Variants in SLC26A7 observed in about 807,000 individuals in gnomAD.
SLC26A7 encodes the protein solute carrier family 26 member 7, also known as anion exchange transporter.
A neutral mutation model predicts 82.5 loss-of-function variants in SLC26A7; 59 were observed. The observed-to-expected ratio is 0.72, with a 90% CI of 0.58 to 0.89. The LOEUF (loss-of-function observed/expected upper bound fraction) is 0.89, where lower values mean the gene tolerates loss of function less well. SLC26A7 is among the 40% of genes least tolerant of loss of function. SLC26A7 has a pLI of 0.00. For missense variants in SLC26A7, 820 were observed against 793.0 expected (o/e 1.03, Z -0.41); for synonymous variants, 271 against 274.3 (o/e 0.99, Z 0.12).
At chr8:91,355,310 G>A (rs1040191971) in intron 11 of SLC26A7, among the ~76,000 whole-genome samples, 5 of 151,884 alleles carry the variant, frequency 3.3e-5, no homozygotes, top group African/African-American at 7.3e-5. Context: ...TCTTTTGATC[G>A]CATAATCAGG....
At chr8:91,351,355 G>A (rs1813710263) in intron 9 of SLC26A7, among the ~76,000 whole-genome samples, 1 of 152,038 alleles carries the variant, frequency 6.6e-6, no homozygotes, top group Non-Finnish European at 1.5e-5. Flanking sequence ...CAAAGAACAA[G>A]GTAAATGCTT....
intron 2 of SLC26A7, among the ~76,000 whole-genome samples, chr8:91,268,164 A>C (rs761825007): frequency 6.6e-6 from 1 of 151,850 alleles, no homozygotes; most frequent in Non-Finnish European, 1.5e-5. Flanking sequence ...CTGAACTAAT[A>C]TATGGTCTTT....
chr8:91,293,294 T>C (rs1036000692), intron 3 of SLC26A7, among the ~76,000 whole-genome samples: 1 of 152,238 alleles, frequency 6.6e-6, no homozygotes, highest in African/African-American at 2.4e-5. Flanking sequence ...GTACCACTAA[T>C]AGGCTGAAAG....
At chr8:91,288,952 T>C (rs1043056218) in intron 2 of SLC26A7, among the ~76,000 whole-genome samples, 184 bp from the exon 3 acceptor site, 4 of 152,202 alleles carry the variant, frequency 2.6e-5, no homozygotes, top group Admixed American at 2.6e-4. Context: ...GTTTTTGGAA[T>C]CATAACAATG....
At chr8:91,336,172 G>A (rs1473115934) in intron 6 of SLC26A7, among the ~76,000 whole-genome samples, 2 of 152,168 alleles carry the variant, frequency 1.3e-5, no homozygotes, top group Non-Finnish European at 2.9e-5. Flanking sequence ...ACAGGTTTGA[G>A]TTGGGCACAA....
At position 91,394,045 on chromosome 8, in the gene SLC26A7, T is replaced by C. The variant is rs1308827467; in HGVS notation, c.1935+6T>C. ...GTCATATCCATTCAAATAAGGTGAG[T>C]TGATTAAGTTGGGCTGAAGGAGTTA... On this transcript the variant is annotated splice_donor_region_variant and intron_variant, in intron 18 of 18. Transcript: ENST00000276609. 6.2e-7 allele frequency: 1 copy of C among 1,610,024 alleles called. No individual in the cohort carries two copies. Among genetic ancestry groups the C allele is most frequent in the East Asian group, 2.2e-5 (1 of 44,786 alleles).
At chr8:91,296,266 T>C (rs1048929804) in intron 4 of SLC26A7, among the ~76,000 whole-genome samples, 6 of 152,196 alleles carry the variant, frequency 3.9e-5, no homozygotes, top group Non-Finnish European at 7.3e-5. Context: ...TATCAGAATA[T>C]GTAATTTGAT....
intron 11 of SLC26A7, among the ~76,000 whole-genome samples, chr8:91,355,521 A>G (rs952604842): frequency 1.5e-4 from 22 of 151,192 alleles, no homozygotes; most frequent in African/African-American, 5.4e-4. Context: ...TCTAGTTGTG[A>G]TTTTCTTACT....
intron 2 of SLC26A7, among the ~76,000 whole-genome samples, chr8:91,225,643 G>GTTTTTTTTT (rs55732709): frequency 2.2e-4 from 8 of 36,130 alleles, no homozygotes; most frequent in African/African-American, 3.7e-4. Context: ...CTAGAAAAGT[G>GTTTTTTTTT]TTTTTTTTTT....
chr8:91,382,277 C>T (rs1025204638), intron 15 of SLC26A7, among the ~76,000 whole-genome samples: 2 of 152,096 alleles, frequency 1.3e-5, no homozygotes, highest in Admixed American at 6.6e-5. Flanking sequence ...GTACTACTCC[C>T]TAGCATGGCA....
At chr8:91,290,579 C>T (rs1050370960) in intron 3 of SLC26A7, among the ~76,000 whole-genome samples, 2 of 152,106 alleles carry the variant, frequency 1.3e-5, no homozygotes, top group African/African-American at 4.8e-5. Context: ...CTCCATTTTC[C>T]ATGTTTAAAG....
At chr8:91,317,577 T>C (rs1812673150) in intron 4 of SLC26A7, among the ~76,000 whole-genome samples, 1 of 152,192 alleles carries the variant, frequency 6.6e-6, no homozygotes. Flanking sequence ...CTGGCATAAA[T>C]GGGTTACTTC....
chr8:91,243,217 T>C (rs920133676), intron 2 of SLC26A7, among the ~76,000 whole-genome samples: 3 of 152,164 alleles, frequency 2.0e-5, no homozygotes, highest in African/African-American at 7.2e-5. Flanking sequence ...CCATATTACA[T>C]AATAGATAAC....
chr8:91,212,668 G>A (rs897514796), intron 1 of SLC26A7, among the ~76,000 whole-genome samples: 1 of 152,054 alleles, frequency 6.6e-6, no homozygotes, highest in Non-Finnish European at 1.5e-5. Flanking sequence ...ATTCATTTAT[G>A]AAACTGATCA....
intron 2 of SLC26A7, among the ~76,000 whole-genome samples, chr8:91,236,672 C>T (rs1031980660): frequency 1.3e-5 from 2 of 151,748 alleles, no homozygotes; most frequent in South Asian, 4.2e-4. Flanking sequence ...CAAGAAGAGC[C>T]ATTAATATTG....
At chr8:91,326,615 T>A (rs950027987) in intron 5 of SLC26A7, among the ~76,000 whole-genome samples, 2 of 152,170 alleles carry the variant, frequency 1.3e-5, no homozygotes, top group African/African-American at 4.8e-5. Flanking sequence ...TTTGAACATA[T>A]GAATATTGAA....
intron 9 of SLC26A7, chr8:91,344,097 G>T (rs952020420): frequency 3.7e-5 from 36 of 985,270 alleles, no homozygotes; most frequent in Non-Finnish European, 4.2e-5. Flanking sequence ...TGGTGGAAAA[G>T]ATATTGAGTT....
intron 13 of SLC26A7, among the ~76,000 whole-genome samples, 179 bp downstream of exon 13, chr8:91,363,717 A>G (rs1814112847): frequency 6.6e-6 from 1 of 152,178 alleles, no homozygotes; most frequent in African/African-American, 2.4e-5. Flanking sequence ...CATGCAACAA[A>G]TCAATAGAAC....
chr8:91,291,314 C>T (rs1022683870), intron 3 of SLC26A7, among the ~76,000 whole-genome samples: 1 of 152,102 alleles, frequency 6.6e-6, no homozygotes, highest in Non-Finnish European at 1.5e-5. Context: ...ATCTAAAGCA[C>T]AAGCTTTTAA....
Sources: allele counts gnomAD v4.1 joint callset (sites outside exome capture counted in the v4.1 genomes callset), GRCh38; gene constraint gnomAD v4.1.1; transcripts MANE v1.5; gene names NCBI Gene and HGNC (gene_info 2026-07-23, HGNC 2026-07-21).